Variants in SCO2 observed in about 807,000 individuals in gnomAD.
The protein encoded by SCO2 is cytochrome c oxidase assembly factor SCO2.
For synonymous variants in SCO2, 195 were observed against 148.6 expected (o/e 1.31, Z -2.27); for missense variants, 429 against 348.7 (o/e 1.23, Z -1.83).
rs1446000759 is a variant in SCO2 at position 50,523,870 on chromosome 22, A to T, written c.542T>A (p.Val181Asp). 6.2e-7 allele frequency: 1 copy of T among 1,613,950 alleles called. No individual in the cohort carries two copies. The highest frequency in any genetic ancestry group is 1.1e-5 in the South Asian group (1 of 91,086). Residue 181 changes from valine to aspartate, a missense_variant, in exon 2 of 2, where the codon GTC (valine) becomes GAC (aspartate). Transcript: ENST00000395693. Reference protein sequence around the residue: ...RDDVEAMARYVQDFHPRLLGL... With the variant: ...RDDVEAMARYDQDFHPRLLGL... ...CAACAGTCTTGGGTGGAAGTCCTGG[A>T]CGTAGCGGGCCATGGCTTCAACGTC...
rs779010107 is a variant in SCO2 at position 50,523,623 on chromosome 22, A to G, written c.789T>C (p.Ser263=). The G allele has an allele frequency of 7.4e-6, 12 of 1,613,560 alleles. No homozygotes were observed. Among genetic ancestry groups the G allele is most frequent in the East Asian group, 2.2e-5 (1 of 44,880 alleles). ...SVRRHMAAFR[S]VLS Reference sequence around the variant, plus strand: ...AGACTGCAGTGGCTCAAGACAGGACACTGCGGAAAGCCGCCATGTGCCGCC... The same window carrying G: ...AGACTGCAGTGGCTCAAGACAGGACGCTGCGGAAAGCCGCCATGTGCCGCC... The change falls in exon 2 of 2, where the codon AGT becomes AGC. Residue 263 remains serine (S), a synonymous_variant. Transcript: ENST00000395693.
upstream of SCO2, chr22:50,526,068 A>C (rs1362361975): frequency 4.7e-6 from 7 of 1,483,898 alleles, no homozygotes; most frequent in Admixed American, 1.1e-4. Context: ...GCGGCTCCCC[A>C]GCGCGGCTGC....
At chr22:50,525,693 A>C, upstream of SCO2, 1 of 1,558,680 alleles carries the variant, frequency 6.4e-7, no homozygotes, top group Non-Finnish European at 8.7e-7. Flanking sequence ...GTGTTCATCG[A>C]GACGGCCCCC....
chr22:50,523,689 G>A lies in SCO2; in HGVS notation c.723C>T (p.Tyr241=), dbSNP rs375345044. The A allele has an allele frequency of 2.2e-5, 35 of 1,614,030 alleles. No individual in the cohort carries two copies. In the East Asian group the frequency reaches 2.9e-4, roughly 13 times the overall value. The change falls in exon 2 of 2, where the codon TAC becomes TAT. Residue 241 remains tyrosine (Y), a synonymous_variant. Transcript: ENST00000395693. ...LNPDGLFTDY[Y]GRSRSAEQIS... ...TCTGCTCAGCCGATCTGCTCCGGCC[G>A]TAGTAATCCGTGAAGAGGCCGTCAG...
At chr22:50,526,310 G>A, upstream of SCO2, 1 of 1,559,716 alleles carries the variant, frequency 6.4e-7, no homozygotes, top group Non-Finnish European at 8.6e-7. Context: ...GGCGTTCTGC[G>A]GGACTTCCCG....
At position 50,524,231 on chromosome 22, in the gene SCO2, G is replaced by A. The variant is rs751647088; in HGVS notation, c.181C>T (p.Leu61=). Residue 61 remains leucine, a synonymous_variant, in exon 2 of 2, where the codon CTG becomes TTG. Coordinates refer to ENST00000395693, the MANE Select transcript of SCO2 (RefSeq NM_005138.3). ...GCCCCGAACAGGCCTGTGATCAGCA[G>A]CCGGGTTCGAAGCCCAGGGCCCTGG... The part of the protein sequence containing the change: ...QPQGPGLRTR[L]LITGLFGAGL... 4 of 1,607,216 alleles carry A rather than the reference G, an allele frequency of 2.5e-6. No individual in the cohort carries two copies. The highest frequency in any genetic ancestry group is 1.7e-5 in the Admixed American group (1 of 60,006).
upstream of SCO2, chr22:50,526,411 C>T: frequency 6.6e-7 from 1 of 1,512,614 alleles, no homozygotes; most frequent in South Asian, 1.2e-5. Flanking sequence ...TCCAGCGCCG[C>T]GGCCACCCGG....
chr22:50,526,382 G>A (rs751163861), upstream of SCO2: 21 of 1,528,350 alleles, frequency 1.4e-5, no homozygotes, highest in Non-Finnish European at 1.7e-5. Context: ...GCTCGAAGCG[G>A]CCAAGGGCCG....
chr22:50,525,361 C>A, intron 1 of SCO2, 111 bp downstream of exon 1: 1 of 279,590 alleles, frequency 3.6e-6, no homozygotes, highest in South Asian at 3.3e-5. Flanking sequence ...CTCCAGCGCG[C>A]CCTGGGGTGT....
At chr22:50,526,427 G>C (rs749713507), upstream of SCO2, 7 of 1,504,982 alleles carry the variant, frequency 4.7e-6, no homozygotes, top group Non-Finnish European at 6.2e-6. Flanking sequence ...CCCGGGCAGC[G>C]CCCTGGGCCT....
At chr22:50,525,926 G>A, upstream of SCO2, 1 of 1,491,716 alleles carries the variant, frequency 6.7e-7, no homozygotes, top group Non-Finnish European at 8.9e-7. Context: ...TCCCTGCAGA[G>A]CGAGGGGCTG....
chr22:50,524,591 A>C (rs1208508441), intron 1 of SCO2, 167 bp from the exon 2 acceptor site: 7 of 724,924 alleles, frequency 9.7e-6, no homozygotes, highest in Non-Finnish European at 1.5e-5. Context: ...CCTCCACCAA[A>C]CATCCACACC....
Position 50,524,468 on chromosome 22 carries a change from G to C in SCO2, c.-13-44C>G, listed in dbSNP as rs1157985806. The C allele has an allele frequency of 1.5e-5, 24 of 1,575,346 alleles. No individual in the cohort carries two copies. In the African/African-American group the frequency reaches 1.6e-4, roughly 11 times the overall value. ...GTCAGGAGCCAGAAGGGAAGGCCCA[G>C]GACAGTGCCTGGGCTGCCCCTGCGA... On this transcript the variant is annotated intron_variant, in intron 1 of 1. Coordinates refer to ENST00000395693, the MANE Select transcript of SCO2 (RefSeq NM_005138.3).
At chr22:50,526,427 GC>G, upstream of SCO2, 1 of 1,505,092 alleles carries the variant, frequency 6.6e-7, no homozygotes, top group Non-Finnish European at 8.8e-7. Context: ...CCCGGGCAGC[GC>G]CCTGGGCCTG....
At chr22:50,526,120 G>A (rs1414925289), upstream of SCO2, 4 of 1,488,386 alleles carry the variant, frequency 2.7e-6, no homozygotes, top group East Asian at 2.8e-5. Flanking sequence ...CAGCGGCAGC[G>A]CCCGGACCAG....
upstream of SCO2, chr22:50,525,624 G>C (rs558622946): frequency 1.2e-3 from 1,522 of 1,263,940 alleles, 11 homozygotes; most frequent in African/African-American, 0.02. Flanking sequence ...GCGCACACGG[G>C]CGCAGCCGCT....
Position 50,525,471 on chromosome 22 carries a change from C to G in SCO2, c.-14+1G>C. The G allele has an allele frequency of 2.1e-6, 1 of 471,126 alleles. No individual in the cohort carries two copies. The highest frequency in any genetic ancestry group is 2.3e-5 in the South Asian group (1 of 42,828). 29.2% of individuals were successfully genotyped at this position (471,126 alleles called of 1,614,324 possible). On this transcript the variant is annotated splice_donor_variant, in intron 1 of 1. Coordinates refer to ENST00000395693, the MANE Select transcript of SCO2 (RefSeq NM_005138.3). LOFTEE classifies it low-confidence loss of function (5UTR_SPLICE). ...TCCCCTCCCAGCCCCGGCGTCCGCA[C>G]CTCGCGGCGGGGCCGCGCGTCAGTG...
At position 50,523,607 on chromosome 22, in the gene SCO2, T is replaced by C. The variant is rs367687053; in HGVS notation, c.*4A>G. ...TTTAATGATGGGGCCCAGACTGCAGTGGCTCAAGACAGGACACTGCGGAAA... is the reference window on the plus strand; with the variant it reads ...TTTAATGATGGGGCCCAGACTGCAGCGGCTCAAGACAGGACACTGCGGAAA... On this transcript the variant is annotated 3_prime_UTR_variant, in exon 2 of 2. Coordinates refer to ENST00000395693, the MANE Select transcript of SCO2 (RefSeq NM_005138.3). 3.5e-5 allele frequency: 57 copies of C among 1,613,026 alleles called. 1 individual carries two copies. The African/African-American group carries it at 5.5e-4, about 15-fold the overall frequency.
At chr22:50,526,092 C>A, upstream of SCO2, 1 of 1,487,448 alleles carries the variant, frequency 6.7e-7, no homozygotes, top group Non-Finnish European at 8.9e-7. Flanking sequence ...CGGCCCCGAG[C>A]TCGTGCAGCA....
Sources: allele counts gnomAD v4.1 joint callset, GRCh38; gene constraint gnomAD v4.1.1; transcripts MANE v1.5; gene names NCBI Gene and HGNC (gene_info 2026-07-23, HGNC 2026-07-21).